Variants in TRAM1 observed in about 807,000 individuals in gnomAD.
TRAM1 encodes the protein translocating chain-associated membrane protein 1.
TRAM1 carries 17 observed loss-of-function variants against 48.7 expected under a neutral mutation model. The observed-to-expected ratio is 0.35, with a 90% CI of 0.24 to 0.52. The LOEUF (loss-of-function observed/expected upper bound fraction) is 0.52. Ranked by LOEUF, TRAM1 falls within the 20% of genes least tolerant of loss-of-function variation. The pLI is 0.94. For missense variants in TRAM1, 351 were observed against 441.5 expected (o/e 0.79, Z 1.84); for synonymous variants, 182 against 154.0 (o/e 1.18, Z -1.34).
chr8:70,583,645 C>G lies in TRAM1; in HGVS notation c.890+5G>C. The G allele has an allele frequency of 6.2e-7, 1 of 1,605,114 alleles. No homozygotes were observed. The highest frequency in any genetic ancestry group is 1.7e-5 in the Admixed American group (1 of 57,310). On this transcript the variant is annotated splice_donor_5th_base_variant and intron_variant, in intron 9 of 10. Coordinates refer to ENST00000262213, the MANE Select transcript of TRAM1 (RefSeq NM_014294.6). ...AAAGTGAAAAAAATGTTAAATTGATCGTACCTAACAGCTAACACATTGAAG... is the reference window on the plus strand; with the variant it reads ...AAAGTGAAAAAAATGTTAAATTGATGGTACCTAACAGCTAACACATTGAAG...
intron 6 of TRAM1, among the ~76,000 whole-genome samples, chr8:70,590,472 G>C (rs1586758299): frequency 6.6e-6 from 1 of 152,184 alleles, no homozygotes; most frequent in East Asian, 1.9e-4. Context: ...ATTCAACTTT[G>C]TATCTTAGCC....
At position 70,573,278 on chromosome 8, in the gene TRAM1, C is replaced by A. The variant is rs1374501888; in HGVS notation, c.*1654G>T. Among the ~76,000 whole-genome samples the A allele has an allele frequency of 1.3e-5, 2 of 152,140 alleles. No individual in the cohort carries two copies. The highest frequency in any genetic ancestry group is 6.6e-5 in the Admixed American group (1 of 15,266). ...TATGACCATCTATCCCCCCAGTAGTCCTCACCAATATTCTGTGGAACAAAT... is the reference window on the plus strand; with the variant it reads ...TATGACCATCTATCCCCCCAGTAGTACTCACCAATATTCTGTGGAACAAAT... On this transcript the variant is annotated 3_prime_UTR_variant, in exon 11 of 11. Transcript: ENST00000262213.
chr8:70,588,473 C>G (rs956268429), intron 6 of TRAM1, among the ~76,000 whole-genome samples: 1 of 152,032 alleles, frequency 6.6e-6, no homozygotes, highest in Non-Finnish European at 1.5e-5. Flanking sequence ...GCCTGTAGTC[C>G]TAGCTATTTG....
Position 70,608,354 on chromosome 8 carries a change from G to C in TRAM1, c.-155C>G. 1.3e-6 allele frequency: 1 copy of C among 787,220 alleles called. No individual in the cohort carries two copies. The highest frequency in any genetic ancestry group is 1.7e-6 in the Non-Finnish European group (1 of 582,454). 48.8% of individuals were successfully genotyped at this position (787,220 alleles called of 1,614,324 possible). ...CTTCCCATCCCACAGCCAGTACGCA[G>C]CCGCCGGGCCGCCCGGGGGAAAAAA... is the stretch of plus-strand genomic sequence containing the variant. On this transcript the variant is annotated 5_prime_UTR_variant, in exon 1 of 11. Transcript: ENST00000262213.
In TRAM1 at chr8:70,574,283, AAT is replaced by A; in HGVS notation, c.*647_*648del. ...ATTTTACTTCACAAGTACTTTTAAGAATATACTTTGATTTAATATGTATGTTA... is the reference window on the plus strand; with the variant it reads ...ATTTTACTTCACAAGTACTTTTAAGAATACTTTGATTTAATATGTATGTTA... On this transcript the variant is annotated 3_prime_UTR_variant, in exon 11 of 11. Coordinates refer to ENST00000262213, the MANE Select transcript of TRAM1 (RefSeq NM_014294.6). 1 of 400,200 alleles carries A rather than the reference AAT, an allele frequency of 2.5e-6. No individual in the cohort carries two copies. The highest frequency in any genetic ancestry group is 4.8e-6 in the Non-Finnish European group (1 of 208,702). 24.8% of individuals were successfully genotyped at this position (400,200 alleles called of 1,614,324 possible).
intron 1 of TRAM1, chr8:70,607,514 T>A: frequency 2.0e-6 from 2 of 984,608 alleles, no homozygotes; most frequent in Non-Finnish European, 2.4e-6. Context: ...CTGACTCCGG[T>A]TTCTCGCTCA....
intron 1 of TRAM1, among the ~76,000 whole-genome samples, chr8:70,601,649 C>T (rs1050446043): frequency 5.3e-5 from 8 of 152,126 alleles, no homozygotes; most frequent in South Asian, 2.1e-4. Flanking sequence ...AAGTACAAAC[C>T]GGAGTGAGCA....
chr8:70,587,484 G>A, intron 6 of TRAM1: 1 of 230,288 alleles, frequency 4.3e-6, no homozygotes, highest in Non-Finnish European at 8.4e-6. Context: ...ACCTCTGCTG[G>A]CTTCAGTTAT....
At chr8:70,575,611 TATG>T (rs1816930389) in intron 10 of TRAM1, among the ~76,000 whole-genome samples, 1 of 152,038 alleles carries the variant, frequency 6.6e-6, no homozygotes, top group Non-Finnish European at 1.5e-5. Context: ...TTCTTCAAGC[TATG>T]ATGGAGTAGC....
intron 1 of TRAM1, among the ~76,000 whole-genome samples, chr8:70,603,303 TACACACACACACAC>T (rs35864770): frequency 1.6e-4 from 24 of 150,018 alleles, no homozygotes; most frequent in Middle Eastern, 3.5e-3. Context: ...ATATGTTTTA[TACACACACACACAC>T]ACACACACAC....
In TRAM1 at chr8:70,583,725, A is replaced by G. The variant is rs1386193358; in HGVS notation, c.815T>C (p.Val272Ala). Residue 272 changes from valine (V) to alanine (A), a missense_variant, in exon 9 of 11, where the codon GTT becomes GCT. Coordinates refer to ENST00000262213, the MANE Select transcript of TRAM1 (RefSeq NM_014294.6). ...TTCTGCTCTTGCAAGGCCAAAACCA[A>G]CAGTCAGTACTGAAAGAATTAAAGT... ...LLTLILSVLT[V>A]GFGLARAENQ... 2 of 1,612,270 alleles carry G rather than the reference A, an allele frequency of 1.2e-6. No individual in the cohort carries two copies. The highest frequency in any genetic ancestry group is 1.1e-5 in the South Asian group (1 of 90,748).
intron 1 of TRAM1, among the ~76,000 whole-genome samples, chr8:70,601,959 G>C (rs1817615062): frequency 6.6e-6 from 1 of 152,150 alleles, no homozygotes. Context: ...CATATATGGA[G>C]AGTGCACAGT....
intron 1 of TRAM1, 130 bp downstream of exon 1, chr8:70,607,947 A>C: frequency 8.5e-7 from 1 of 1,174,924 alleles, no homozygotes; most frequent in Non-Finnish European, 1.1e-6. Flanking sequence ...CACCTCAGGG[A>C]CTGGGGGTCT....
At chr8:70,588,637 A>G (rs1435179944) in intron 6 of TRAM1, among the ~76,000 whole-genome samples, 1 of 152,174 alleles carries the variant, frequency 6.6e-6, no homozygotes, top group Admixed American at 6.5e-5. Flanking sequence ...AGCACATTGT[A>G]TTATGAAAAT....
intron 10 of TRAM1, among the ~76,000 whole-genome samples, chr8:70,581,679 A>T (rs904466249): frequency 6.6e-6 from 1 of 152,366 alleles, no homozygotes; most frequent in African/African-American, 2.4e-5. Context: ...CAGCATCACG[A>T]TTCATAATAG....
chr8:70,584,703 C>T (rs1186377404), intron 8 of TRAM1, among the ~76,000 whole-genome samples: 2 of 151,988 alleles, frequency 1.3e-5, no homozygotes, highest in Admixed American at 1.3e-4. Context: ...AATAAAATAC[C>T]TAGGAATCCA....
chr8:70,588,770 TACTG>T (rs1420036176), intron 6 of TRAM1, among the ~76,000 whole-genome samples: 12 of 152,348 alleles, frequency 7.9e-5, no homozygotes, highest in Middle Eastern at 3.4e-3. Context: ...CAGGCCAGCC[TACTG>T]ACTAATGAAA....
In TRAM1 at chr8:70,608,279, C is replaced by G; in HGVS notation, c.-80G>C. ...GCTGCTCACCGACTCGCCGCCGCCT[C>G]CCGCTGGCTGCTCCTCACGGCCCCG... On this transcript the variant is annotated 5_prime_UTR_variant, in exon 1 of 11. Coordinates refer to ENST00000262213, the MANE Select transcript of TRAM1 (RefSeq NM_014294.6). 1 of 1,479,420 alleles carries G rather than the reference C, an allele frequency of 6.8e-7. No homozygotes were observed. The highest frequency in any genetic ancestry group is 8.9e-7 in the Non-Finnish European group (1 of 1,117,838). 91.6% of individuals were successfully genotyped at this position (1,479,420 alleles called of 1,614,324 possible). A position where few individuals can be genotyped will look rare whatever the true frequency, so the allele number is the denominator to read the frequency against.
chr8:70,579,809 T>C (rs1395249700), intron 10 of TRAM1, among the ~76,000 whole-genome samples: 3 of 152,174 alleles, frequency 2.0e-5, no homozygotes, highest in Non-Finnish European at 2.9e-5. Flanking sequence ...TTTCTTATAT[T>C]GAATATTATG....
Sources: gnomAD v4.1 joint callset for allele counts (sites outside exome capture counted in the v4.1 genomes callset) on GRCh38, gnomAD v4.1.1 for gene constraint, MANE v1.5 for transcripts, NCBI Gene and HGNC (gene_info 2026-07-23, HGNC 2026-07-21) for gene names.